The following AQR variants were observed in gnomAD, a reference collection of about 807,000 sequenced individuals.
AQR encodes RNA helicase aquarius.
AQR carries 61 observed loss-of-function variants against 180.5 expected under a neutral mutation model. The observed-to-expected ratio is 0.34, with a 90% CI of 0.28 to 0.42. AQR has a LOEUF of 0.42. Ranked by LOEUF, AQR falls within the 10% of genes least tolerant of loss-of-function variation. The probability of loss-of-function intolerance (pLI) is 1.00; values close to 1 mark genes in which losing one functional copy is unlikely to be tolerated. For synonymous variants in AQR, 551 were observed against 588.8 expected, an observed-to-expected ratio of 0.94 and a Z score of 0.93; for missense variants, 1,281 against 1,798.3, an observed-to-expected ratio of 0.71 and a Z score of 5.20.
chr15:34,887,472 C>T (rs1410457439), intron 24 of AQR, among the ~76,000 whole-genome samples: 1 of 152,180 alleles, frequency 6.6e-6, no homozygotes, highest in East Asian at 1.9e-4. Context: ...TATCCCAATA[C>T]ATAACTTGGC....
rs79866520 is a variant in AQR, at chr15:34,897,302, C to T, written c.2390+257G>A. Among the ~76,000 whole-genome samples, 441 of 152,168 alleles carry T rather than the reference C, an allele frequency of 2.9e-3. 2 individuals carry two copies. The highest frequency in any genetic ancestry group is 6.0e-3 in the Admixed American group (92 of 15,278). On this transcript the variant is annotated intron_variant, in intron 21 of 34. Transcript: ENST00000156471. ...TAACACAGGCTCATGAAGTAAGAAC[C>T]CTTTGCTCAAATTAAGGTAGACCTC...
chr15:34,950,719 T>A (rs922091419), intron 4 of AQR, among the ~76,000 whole-genome samples: 1 of 152,216 alleles, frequency 6.6e-6, no homozygotes, highest in Non-Finnish European at 1.5e-5. Flanking sequence ...TCTCTGCTGT[T>A]CACTCTTGCT....
intron 3 of AQR, among the ~76,000 whole-genome samples, chr15:34,953,825 A>T (rs972816132): frequency 6.6e-6 from 1 of 152,256 alleles, no homozygotes; most frequent in Non-Finnish European, 1.5e-5. Context: ...TCATGATAAA[A>T]GACAGAAAAT....
chr15:34,947,635 T>C (rs1203151279), intron 5 of AQR, among the ~76,000 whole-genome samples: 4 of 152,056 alleles, frequency 2.6e-5, no homozygotes, highest in African/African-American at 9.6e-5. Context: ...CATTATATAC[T>C]TGTGCTTTTT....
intron 22 of AQR, among the ~76,000 whole-genome samples, chr15:34,894,512 T>A (rs903278667): frequency 3.3e-5 from 5 of 152,136 alleles, no homozygotes; most frequent in Non-Finnish European, 7.4e-5. Flanking sequence ...TTTGTTTTTT[T>A]AAAAAGTTCT....
intron 15 of AQR, among the ~76,000 whole-genome samples, chr15:34,916,100 C>T (rs1452811619): frequency 1.3e-5 from 2 of 152,102 alleles, no homozygotes; most frequent in African/African-American, 4.8e-5. Context: ...AAACTTCTTC[C>T]CTTATCACCT....
At chr15:34,874,112 C>A in intron 29 of AQR, 113 bp from the exon 30 acceptor site, 1 of 1,108,126 alleles carries the variant, frequency 9.0e-7, no homozygotes, top group Non-Finnish European at 1.2e-6. Flanking sequence ...TCATGTTAGC[C>A]ATTTTGGCTC....
rs1893318703 is a variant in AQR at position 34,900,705 on chromosome 15, G to C, written c.2160C>G (p.Ser720=). Residue 720 remains serine, a synonymous_variant, in exon 20 of 35, where the codon TCC becomes TCG. Coordinates refer to ENST00000156471, the MANE Select transcript of AQR (RefSeq NM_014691.3). The stretch of plus-strand genomic sequence containing the variant: ...GGAAGCTGGCTTTTAAATGCTCAAT[G>C]GAGAGAAATGTATCATTGAAATCAA... The part of the protein sequence containing the change: ...ATLDFNDTFL[S]IEHLKASFPG... 6.2e-7 allele frequency: 1 copy of C among 1,614,020 alleles called. No homozygotes were observed. Among genetic ancestry groups the C allele is most frequent in the African/African-American group, 1.3e-5 (1 of 74,920 alleles).
chr15:34,912,072 G>A (rs1566987948), intron 16 of AQR, among the ~76,000 whole-genome samples: 1 of 152,108 alleles, frequency 6.6e-6, no homozygotes, highest in Non-Finnish European at 1.5e-5. Flanking sequence ...ATGCATCGAA[G>A]ATTAAATGAT....
intron 31 of AQR, chr15:34,869,529 C>A (rs1195442102): frequency 1.3e-5 from 2 of 152,102 alleles, no homozygotes; most frequent in Non-Finnish European, 2.9e-5. Flanking sequence ...TACCCTGTAA[C>A]CCAACCTTGG....
intron 34 of AQR, among the ~76,000 whole-genome samples, chr15:34,858,654 C>T (rs1892625663): frequency 6.6e-6 from 1 of 152,048 alleles, no homozygotes; most frequent in African/African-American, 2.4e-5. Context: ...AAATGAAGAA[C>T]AAAGCTAAAG....
intron 8 of AQR, among the ~76,000 whole-genome samples, chr15:34,939,978 A>T (rs4924370): frequency 0.44 from 67,002 of 152,058 alleles, 17,825 homozygotes; most frequent in Non-Finnish European, 0.6. Context: ...CTCAACTACT[A>T]TACATATCCC....
chr15:34,926,443 G>A (rs1255503102), intron 13 of AQR, among the ~76,000 whole-genome samples: 1 of 152,104 alleles, frequency 6.6e-6, no homozygotes, highest in Non-Finnish European at 1.5e-5. Flanking sequence ...TTGTATCTCT[G>A]CCACTTACTT....
At chr15:34,945,012 G>C (rs572664311) in intron 5 of AQR, among the ~76,000 whole-genome samples, 15 of 152,268 alleles carry the variant, frequency 9.9e-5, no homozygotes, top group Admixed American at 9.2e-4. Flanking sequence ...TGGCTGTCAA[G>C]TCCTATGGAC....
chr15:34,938,686 G>C (rs780621542), intron 9 of AQR, 51 bp downstream of exon 9: 1 of 1,157,140 alleles, frequency 8.6e-7, no homozygotes, highest in African/African-American at 1.5e-5. Context: ...AAATACCATA[G>C]GGGCAGCTAT....
chr15:34,961,686 A>AG (rs2050280644), intron 2 of AQR, among the ~76,000 whole-genome samples: 3 of 151,212 alleles, frequency 2.0e-5, no homozygotes, highest in Non-Finnish European at 3.0e-5. Flanking sequence ...AAAGAAAAAA[A>AG]GAACTCAGAC....
At chr15:34,894,789 G>C (rs755489210) in intron 22 of AQR, among the ~76,000 whole-genome samples, 4 of 152,060 alleles carry the variant, frequency 2.6e-5, no homozygotes, top group African/African-American at 7.2e-5. Context: ...AATACTGATT[G>C]TAAGTAGGCT....
chr15:34,955,457 T>C (rs967077784), intron 3 of AQR, among the ~76,000 whole-genome samples: 12 of 152,132 alleles, frequency 7.9e-5, no homozygotes, highest in African/African-American at 2.9e-4. Flanking sequence ...AAATACGAGG[T>C]CTGGAGCTGT....
intron 32 of AQR, among the ~76,000 whole-genome samples, chr15:34,863,510 A>T (rs2140458303): frequency 6.6e-6 from 1 of 152,312 alleles, no homozygotes; most frequent in East Asian, 1.9e-4. Flanking sequence ...ATACAGTATG[A>T]TGTTATAAAA....
Sources: allele counts gnomAD v4.1 joint callset (sites outside exome capture counted in the v4.1 genomes callset), GRCh38; gene constraint gnomAD v4.1.1; transcripts MANE v1.5; gene names NCBI Gene and HGNC (gene_info 2026-07-23, HGNC 2026-07-21).